Variants in RHOC observed in about 807,000 individuals in gnomAD.
RHOC encodes the protein ras homolog family member C.
A neutral mutation model predicts 19.5 loss-of-function variants in RHOC; 13 were observed. The observed-to-expected ratio is 0.67, with a 90% CI of 0.43 to 1.06. The LOEUF (loss-of-function observed/expected upper bound fraction) is 1.06. RHOC is among the 50% of genes least tolerant of loss of function. RHOC has a pLI of 0.00. For missense variants in RHOC, 173 were observed against 256.9 expected, an observed-to-expected ratio of 0.67 and a Z score of 2.23; for synonymous variants, 106 against 97.3, an observed-to-expected ratio of 1.09 and a Z score of -0.52.
intron 3 of RHOC, chr1:112,703,424 G>A: frequency 2.8e-6 from 2 of 718,760 alleles, no homozygotes; most frequent in Non-Finnish European, 5.0e-6. Flanking sequence ...TAAACCCAGA[G>A]GCAAAGGGAC....
intron 1 of RHOC, chr1:112,705,873 C>T: frequency 2.9e-6 from 1 of 348,938 alleles, no homozygotes; most frequent in South Asian, 2.1e-5. Flanking sequence ...ATTCAGACGG[C>T]ACCAGAGTGG....
In RHOC at chr1:112,703,864, C is replaced by A. The variant is rs1167757013; in HGVS notation, c.-7-58G>T. ...AAAGCCATTAAGTCCAAAAACACTT[C>A]TCTAGGGCCCCCAAACCTCCCTGGA... On this transcript the variant is annotated intron_variant, in intron 2 of 5. Transcript: ENST00000339083. 4 of 1,519,812 alleles carry A rather than the reference C, an allele frequency of 2.6e-6. No individual in the cohort carries two copies. The African/African-American group carries it at 5.5e-5, about 21-fold the overall frequency. 94.1% of individuals were successfully genotyped at this position (1,519,812 alleles called of 1,614,324 possible).
rs1225428332 is a variant in RHOC, at chr1:112,703,669, G to C, written c.131C>G (p.Ala44Gly). 10 of 1,613,234 alleles carry C rather than the reference G, an allele frequency of 6.2e-6. No individual in the cohort carries two copies. The highest frequency in any genetic ancestry group is 8.5e-6 in the Non-Finnish European group (10 of 1,179,804). The change falls in exon 3 of 6, where the codon GCG becomes GGG. Residue 44 changes from alanine to glycine, a missense_variant. Ala to Gly is a moderately conservative substitution (Grantham distance 60, BLOSUM62 0). Coordinates refer to ENST00000339083, the MANE Select transcript of RHOC (RefSeq NM_175744.5). Reference sequence around the variant, plus strand: ...CTGCTTGCCGTCCACCTCAATGTCCGCAATATAGTTCTCAAAGACAGTAGG... The same window carrying C: ...CTGCTTGCCGTCCACCTCAATGTCCCCAATATAGTTCTCAAAGACAGTAGG... ...YVPTVFENYIADIEVDGKQVE... is the reference protein window; with the variant it reads ...YVPTVFENYIGDIEVDGKQVE...
At chr1:112,706,507 C>CACACACACAA (rs1674892994) in intron 1 of RHOC, among the ~76,000 whole-genome samples, 2 of 65,092 alleles carry the variant, frequency 3.1e-5, no homozygotes, top group Non-Finnish European at 7.0e-5. Context: ...CACACACACA[C>CACACACACAA]ACACACACAC....
At chr1:112,706,426 TCTCTACACACACAC>T (rs1248452036) in intron 1 of RHOC, among the ~76,000 whole-genome samples, 2 of 54,798 alleles carry the variant, frequency 3.6e-5, no homozygotes, top group East Asian at 5.5e-4. Flanking sequence ...TCTCTCTCTC[TCTCTACACACACAC>T]ACACACACAC....
Position 112,701,399 on chromosome 1 carries a change from T to C in RHOC, c.*141A>G. ...AGGGCCCGTGCCACCACCTCGGGGC[T>C]AGAAAACAATGCAGTCCTGGGCAGG... On this transcript the variant is annotated 3_prime_UTR_variant, in exon 6 of 6. Coordinates refer to ENST00000339083, the MANE Select transcript of RHOC (RefSeq NM_175744.5). 2 of 1,567,088 alleles carry C rather than the reference T, an allele frequency of 1.3e-6. No individual in the cohort carries two copies. Among genetic ancestry groups the C allele is most frequent in the Non-Finnish European group, 8.7e-7 (1 of 1,155,362 alleles).
chr1:112,701,807 T>G lies in RHOC; in HGVS notation c.409-94A>C, dbSNP rs1209884293. 5.8e-6 allele frequency: 8 copies of G among 1,389,084 alleles called. No individual in the cohort carries two copies. The African/African-American group carries it at 7.1e-5, about 12-fold the overall frequency. The allele number at this position is 1,389,084 out of a possible 1,614,324, so 86.0% of individuals were successfully genotyped here. Reference sequence around the variant, plus strand: ...AAGTGTAGCAGCTGGAACAAATGCCTCCTTCTCCAGCCCTGACCCAGAAAG... The same window carrying G: ...AAGTGTAGCAGCTGGAACAAATGCCGCCTTCTCCAGCCCTGACCCAGAAAG... On this transcript the variant is annotated intron_variant, in intron 5 of 5. Transcript: ENST00000339083.
At chr1:112,704,967 A>G in intron 2 of RHOC, 133 bp downstream of exon 2, 1 of 642,082 alleles carries the variant, frequency 1.6e-6, no homozygotes, top group Non-Finnish European at 2.9e-6. Context: ...CCTCCCTGTG[A>G]CTCAGGGCAA....
At chr1:112,703,248 ATAT>A in intron 3 of RHOC, 129 bp from the exon 4 acceptor site, 2 of 995,288 alleles carry the variant, frequency 2.0e-6, no homozygotes, top group Non-Finnish European at 1.5e-6. Context: ...ACCAGGCATT[ATAT>A]TAATCACTGT....
chr1:112,701,588 G>A lies in RHOC; in HGVS notation c.534C>T (p.Gly178=), dbSNP rs552439890. The change falls in exon 6 of 6, where the codon GGC becomes GGT. Residue 178 remains glycine (G), a synonymous_variant. Coordinates refer to ENST00000339083, the MANE Select transcript of RHOC (RefSeq NM_175744.5). The part of the protein sequence containing the change: ...REVFEMATRA[G]LQVRKNKRRR... ...GACGCTTGTTCTTGCGGACCTGGAG[G>A]CCAGCCCGAGTGGCCATCTCAAACA... 23 of 1,614,076 alleles carry A rather than the reference G, an allele frequency of 1.4e-5. No homozygotes were observed. In the Admixed American group the frequency reaches 1.5e-4, roughly 11 times the overall value.
rs762307737 is a variant in RHOC, at chr1:112,703,060, G to A, written c.216C>T (p.Leu72=). ...GQEDYDRLRP[L]SYPDTDVILM... ...GGATGACATCAGTGTCCGGGTAGGA[G>A]AGAGGCCGCAGTCGATCATAGTCTT... The change falls in exon 4 of 6, where the codon CTC becomes CTT. Residue 72 remains leucine, a synonymous_variant. Coordinates refer to ENST00000339083, the MANE Select transcript of RHOC (RefSeq NM_175744.5). 6 of 1,614,226 alleles carry A rather than the reference G, an allele frequency of 3.7e-6. No individual in the cohort carries two copies. Among genetic ancestry groups the A allele is most frequent in the East Asian group, 2.2e-5 (1 of 44,878 alleles).
intron 4 of RHOC, 55 bp downstream of exon 4, chr1:112,702,944 G>A (rs752988869): frequency 3.3e-5 from 46 of 1,390,276 alleles, no homozygotes; most frequent in Non-Finnish European, 4.2e-5. Flanking sequence ...GCCAAGGCAC[G>A]AGACCTCTGG....
chr1:112,701,242 C>G lies in RHOC; in HGVS notation c.*298G>C. On this transcript the variant is annotated 3_prime_UTR_variant, in exon 6 of 6. Coordinates refer to ENST00000339083, the MANE Select transcript of RHOC (RefSeq NM_175744.5). ...GACTCTGGGTCCCCTACTGCAGACACTTTCCTGTGAGCCAGAAGTGTATAA... is the reference window on the plus strand; with the variant it reads ...GACTCTGGGTCCCCTACTGCAGACAGTTTCCTGTGAGCCAGAAGTGTATAA... 2 of 726,486 alleles carry G rather than the reference C, an allele frequency of 2.8e-6. No homozygotes were observed. Among genetic ancestry groups the G allele is most frequent in the Non-Finnish European group, 4.4e-6 (2 of 453,128 alleles). 45.0% of individuals were successfully genotyped at this position (726,486 alleles called of 1,614,324 possible).
chr1:112,706,515 C>CACACACACACAA (rs1674895199), intron 1 of RHOC, among the ~76,000 whole-genome samples: 3 of 93,532 alleles, frequency 3.2e-5, no homozygotes, highest in Non-Finnish European at 4.4e-5. Context: ...CACACACACA[C>CACACACACACAA]ACACACACAC....
At chr1:112,705,674 C>G (rs1314744798) in intron 1 of RHOC, 1 of 456,454 alleles carries the variant, frequency 2.2e-6, no homozygotes, top group Non-Finnish European at 4.4e-6. Flanking sequence ...AATTCTATCC[C>G]GGTGACTGAC....
chr1:112,701,537 A>G lies in RHOC; in HGVS notation c.*3T>C. On this transcript the variant is annotated 3_prime_UTR_variant, in exon 6 of 6. Coordinates refer to ENST00000339083, the MANE Select transcript of RHOC (RefSeq NM_175744.5). ...GGGGCATGTAGGAAAGGCCTTGGGG[A>G]TCTCAGAGAATGGGACAGCCCCTCC... is the stretch of plus-strand genomic sequence containing the variant. 1 of 1,614,046 alleles carries G rather than the reference A, an allele frequency of 6.2e-7. No homozygotes were observed. The highest frequency in any genetic ancestry group is 8.5e-7 in the Non-Finnish European group (1 of 1,179,954).
Position 112,702,624 on chromosome 1 carries a change from C to A in RHOC, c.347G>T (p.Gly116Val), listed in dbSNP as rs1240537712. Reference protein sequence around the residue: ...FCPNVPIILVGNKKDLRQDEH... With the variant: ...FCPNVPIILVVNKKDLRQDEH... ...GTCTTGCCTCAGGTCCTTCTTATTC[C>A]CCACCAGGATGATGGGCACGTTGGG... Residue 116 changes from glycine (G) to valine (V), a missense_variant, in exon 5 of 6, where the codon GGG (glycine) becomes GTG (valine). Gly to Val is a moderately radical substitution (Grantham distance 109). Transcript: ENST00000339083. The A allele has an allele frequency of 6.2e-7, 1 of 1,614,126 alleles. No individual in the cohort carries two copies. Among genetic ancestry groups the A allele is most frequent in the Non-Finnish European group, 8.5e-7 (1 of 1,179,990 alleles).
chr1:112,706,469 CA>C (rs1557780655), intron 1 of RHOC, among the ~76,000 whole-genome samples: 261 of 3,366 alleles, frequency 0.078, 18 homozygotes, highest in African/African-American at 0.15. Context: ...ACACACCACA[CA>C]CACACACACA....
chr1:112,705,057 G>A (rs1410532724), intron 2 of RHOC, 43 bp downstream of exon 2: 1 of 702,402 alleles, frequency 1.4e-6, no homozygotes. Context: ...TCACACCTTC[G>A]CAGCTTCCCT....
Sources: gnomAD v4.1 joint callset for allele counts (sites outside exome capture counted in the v4.1 genomes callset) on GRCh38, gnomAD v4.1.1 for gene constraint, MANE v1.5 for transcripts, NCBI Gene and HGNC (gene_info 2026-07-23, HGNC 2026-07-21) for gene names.